Variants in LRRC49 observed in about 807,000 individuals in gnomAD.
The protein encoded by LRRC49 is leucine rich repeat containing 49.
Under a neutral mutation model 83.3 loss-of-function variants are expected in LRRC49, and 50 were observed. The observed-to-expected ratio is 0.60, with a 90% CI of 0.48 to 0.76. The LOEUF (loss-of-function observed/expected upper bound fraction) is 0.76. LRRC49 is among the 30% of genes least tolerant of loss of function. The probability of loss-of-function intolerance (pLI) is 0.00; values close to 1 mark genes in which losing one functional copy is unlikely to be tolerated. For missense variants in LRRC49, 704 were observed against 809.1 expected (o/e 0.87, Z 1.58); for synonymous variants, 286 against 283.3 (o/e 1.01, Z -0.10).
At chr15:70,906,830 T>C (rs2034335376) in intron 5 of LRRC49, among the ~76,000 whole-genome samples, 1 of 152,240 alleles carries the variant, frequency 6.6e-6, no homozygotes. Flanking sequence ...TTTCTACTCC[T>C]CCATCTTTTT....
chr15:71,035,396 T>C (rs924271586), intron 14 of LRRC49, among the ~76,000 whole-genome samples: 4 of 152,120 alleles, frequency 2.6e-5, no homozygotes, highest in Admixed American at 6.5e-5. Context: ...GTGCAGAATG[T>C]GCAGTTTTGT....
At chr15:71,005,831 C>A (rs1313478863) in intron 11 of LRRC49, among the ~76,000 whole-genome samples, 2 of 152,094 alleles carry the variant, frequency 1.3e-5, no homozygotes, top group African/African-American at 4.8e-5. Flanking sequence ...AAAAGATGTA[C>A]CCATATCTGC....
intron 6 of LRRC49, among the ~76,000 whole-genome samples, chr15:70,916,813 G>C (rs955563414): frequency 1.3e-5 from 2 of 152,202 alleles, no homozygotes; most frequent in Admixed American, 6.5e-5. Flanking sequence ...TCCCTGTGCT[G>C]TTGGGGCCAG....
chr15:71,005,555 T>G (rs1402898895), intron 11 of LRRC49, among the ~76,000 whole-genome samples: 12 of 152,112 alleles, frequency 7.9e-5, no homozygotes, highest in Non-Finnish European at 1.8e-4. Context: ...TCCCATGTGT[T>G]TATTAGGTTG....
At chr15:70,893,732 C>G in intron 2 of LRRC49, 92 bp downstream of exon 2, 3 of 994,800 alleles carry the variant, frequency 3.0e-6, no homozygotes, top group South Asian at 1.5e-5. Flanking sequence ...AGATTCTAAA[C>G]TGAAAAATTT....
chr15:71,031,584 C>T (rs538738737), intron 14 of LRRC49, among the ~76,000 whole-genome samples: 7 of 152,292 alleles, frequency 4.6e-5, no homozygotes, highest in Admixed American at 1.3e-4. Context: ...CAGGCAGGAA[C>T]GATTAAATCC....
chr15:71,010,091 A>T (rs2038600415), intron 13 of LRRC49, 99 bp downstream of exon 13: 1 of 664,134 alleles, frequency 1.5e-6, no homozygotes, highest in African/African-American at 1.9e-5. Context: ...ATGATAGAAC[A>T]TTTGAGATAT....
chr15:71,002,204 A>G (rs1290509716), intron 11 of LRRC49, among the ~76,000 whole-genome samples: 1 of 152,138 alleles, frequency 6.6e-6, no homozygotes, highest in Non-Finnish European at 1.5e-5. Context: ...TTAATACTGC[A>G]TAGGGTTTTC....
intron 7 of LRRC49, among the ~76,000 whole-genome samples, chr15:70,928,079 CT>C (rs1184464327): frequency 1.3e-5 from 2 of 152,254 alleles, no homozygotes; most frequent in African/African-American, 4.8e-5. Flanking sequence ...CTGAATTAAA[CT>C]GTTGTCTTTG....
intron 11 of LRRC49, among the ~76,000 whole-genome samples, chr15:70,995,478 G>C (rs1193024650): frequency 6.6e-6 from 1 of 152,158 alleles, no homozygotes; most frequent in Non-Finnish European, 1.5e-5. Context: ...CCAGAAGAGA[G>C]ATCCGTTGAA....
At chr15:71,031,387 T>G (rs1481576197) in intron 14 of LRRC49, among the ~76,000 whole-genome samples, 2 of 152,216 alleles carry the variant, frequency 1.3e-5, no homozygotes, top group East Asian at 3.9e-4. Flanking sequence ...CAGAGGGGCA[T>G]TGGCCTGATG....
intron 11 of LRRC49, 35 bp downstream of exon 11, chr15:70,984,292 T>C: frequency 6.6e-7 from 1 of 1,509,964 alleles, no homozygotes; most frequent in Non-Finnish European, 8.9e-7. Context: ...TACAAGCATC[T>C]TTGATAATTG....
intron 8 of LRRC49, among the ~76,000 whole-genome samples, chr15:70,942,053 G>A (rs1460281382): frequency 6.6e-6 from 1 of 151,614 alleles, no homozygotes; most frequent in Non-Finnish European, 1.5e-5. Flanking sequence ...GTGTGTGTGT[G>A]TGTGTGTGTG....
Position 71,036,634 on chromosome 15 carries a change from A to G in LRRC49, c.1704-545A>G, listed in dbSNP as rs565114580. Among the ~76,000 whole-genome samples the G allele has an allele frequency of 4.0e-4, 61 of 152,266 alleles. 1 individual carries two copies. The highest frequency in any genetic ancestry group is 8.2e-4 in the Non-Finnish European group (56 of 68,024). ...ACAATCAAATGAGGCTTCTTGTTTCAATATTTAACCCCTACTAGAATCTTG... is the reference window on the plus strand; with the variant it reads ...ACAATCAAATGAGGCTTCTTGTTTCGATATTTAACCCCTACTAGAATCTTG... On this transcript the variant is annotated intron_variant, in intron 14 of 15. Transcript: ENST00000260382.
intron 10 of LRRC49, 152 bp from the exon 11 acceptor site, chr15:70,983,942 A>G: frequency 5.4e-6 from 3 of 551,610 alleles, no homozygotes; most frequent in Non-Finnish European, 9.6e-6. Context: ...GGCCTCTTGA[A>G]TCTTGTTTTA....
intron 2 of LRRC49, among the ~76,000 whole-genome samples, chr15:70,874,231 G>C (rs568581221): frequency 1.3e-5 from 2 of 152,314 alleles, no homozygotes; most frequent in African/African-American, 4.8e-5. Flanking sequence ...GGAGGGATGA[G>C]CTCCCTGGAA....
intron 3 of LRRC49, among the ~76,000 whole-genome samples, chr15:70,896,169 A>G (rs1595991422): frequency 6.6e-6 from 1 of 152,098 alleles, no homozygotes; most frequent in Non-Finnish European, 1.5e-5. Flanking sequence ...TGGGCTATAC[A>G]CTAGAGAATG....
chr15:71,002,941 T>TG (rs2038316257), intron 11 of LRRC49, among the ~76,000 whole-genome samples: 1 of 126,172 alleles, frequency 7.9e-6, no homozygotes, highest in African/African-American at 3.0e-5. Flanking sequence ...TTTCTGGCCT[T>TG]TTTTTTTTTT....
At chr15:70,922,275 C>A (rs1415875143) in intron 7 of LRRC49, among the ~76,000 whole-genome samples, 4 of 151,996 alleles carry the variant, frequency 2.6e-5, no homozygotes, top group Non-Finnish European at 5.9e-5. Context: ...TGGGAACAAC[C>A]TAAGTGTCCA....
Sources: gnomAD v4.1 joint callset for allele counts (sites outside exome capture counted in the v4.1 genomes callset) on GRCh38, gnomAD v4.1.1 for gene constraint, MANE v1.5 for transcripts, NCBI Gene and HGNC (gene_info 2026-07-23, HGNC 2026-07-21) for gene names.